PDZRN4: variants seen among roughly 807,000 people sequenced by gnomAD.
The protein encoded by PDZRN4 is PDZ domain containing ring finger 4.
In PDZRN4, 70 loss-of-function variants were observed where a neutral mutation model predicts 99.0. The ratio of observed to expected loss-of-function variants is 0.71; its 90% CI spans 0.58 to 0.86. The LOEUF (loss-of-function observed/expected upper bound fraction) is 0.86. Among genes scored for constraint, PDZRN4 ranks in the 40% least tolerant of loss-of-function variants. The pLI is 0.00. For synonymous variants in PDZRN4, 551 were observed against 501.6 expected, an observed-to-expected ratio of 1.10 and a Z score of -1.32; for missense variants, 1,474 against 1,331.2, an observed-to-expected ratio of 1.11 and a Z score of -1.67.
chr12:41,385,993 A>G (rs1952167887), intron 3 of PDZRN4, among the ~76,000 whole-genome samples: 1 of 152,218 alleles, frequency 6.6e-6, no homozygotes, highest in African/African-American at 2.4e-5. Flanking sequence ...TATCCCAGGG[A>G]TGCAAGGTTT....
chr12:41,484,061 C>A (rs937282977), intron 3 of PDZRN4, among the ~76,000 whole-genome samples: 1 of 152,116 alleles, frequency 6.6e-6, no homozygotes, highest in African/African-American at 2.4e-5. Flanking sequence ...TTCTACTCCT[C>A]CTTTTTGTTA....
intron 3 of PDZRN4, among the ~76,000 whole-genome samples, chr12:41,281,584 T>C (rs1180989921): frequency 6.6e-6 from 1 of 151,930 alleles, no homozygotes; most frequent in Non-Finnish European, 1.5e-5. Flanking sequence ...CAAGTATCAA[T>C]AGCCAAATTG....
intron 3 of PDZRN4, chr12:41,437,789 C>T: frequency 6.5e-7 from 1 of 1,549,392 alleles, no homozygotes; most frequent in Non-Finnish European, 8.7e-7. Context: ...ACCACTCTGG[C>T]TTACGCTTCC....
intron 3 of PDZRN4, among the ~76,000 whole-genome samples, chr12:41,445,126 G>T (rs1952713754): frequency 1.3e-5 from 2 of 151,924 alleles, no homozygotes; most frequent in South Asian, 4.1e-4. Flanking sequence ...TATTTAGATG[G>T]AATACTGTAG....
chr12:41,447,264 T>C (rs1259485112), intron 3 of PDZRN4, among the ~76,000 whole-genome samples: 1 of 152,158 alleles, frequency 6.6e-6, no homozygotes, highest in Non-Finnish European at 1.5e-5. Flanking sequence ...TAATGAGTCA[T>C]GTTTATAATG....
chr12:41,298,030 C>G (rs942197347), intron 3 of PDZRN4, among the ~76,000 whole-genome samples: 2 of 152,110 alleles, frequency 1.3e-5, no homozygotes, highest in Non-Finnish European at 2.9e-5. Context: ...TTTCCATTAT[C>G]CCTTTCAGAC....
Position 41,430,847 on chromosome 12 carries a change from G to A in PDZRN4, c.844-75609G>A, listed in dbSNP as rs547930496. On this transcript the variant is annotated intron_variant, in intron 3 of 9. Transcript: ENST00000402685. The stretch of plus-strand genomic sequence containing the variant: ...TAATTGGCTCACAGTTGTGCAGGCT[G>A]TACAGGAAGCATAGAGGCTTCTGCT... Among the ~76,000 whole-genome samples, 16 of 152,340 alleles carry A rather than the reference G, an allele frequency of 1.1e-4. No homozygotes were observed. In the South Asian group the frequency reaches 3.1e-3, roughly 30 times the overall value.
intron 3 of PDZRN4, among the ~76,000 whole-genome samples, chr12:41,249,579 A>G (rs1951154920): frequency 6.6e-6 from 1 of 152,264 alleles, no homozygotes; most frequent in Admixed American, 6.5e-5. Flanking sequence ...GGGTGACAGG[A>G]ACATAATTGT....
intron 3 of PDZRN4, among the ~76,000 whole-genome samples, chr12:41,386,428 A>T (rs1334346471): frequency 6.6e-6 from 1 of 152,172 alleles, no homozygotes; most frequent in African/African-American, 2.4e-5. Flanking sequence ...GAGGTGAAAG[A>T]TCTCTACAAT....
intron 5 of PDZRN4, among the ~76,000 whole-genome samples, chr12:41,536,552 G>A (rs189851408): frequency 3.9e-5 from 6 of 152,168 alleles, no homozygotes; most frequent in Non-Finnish European, 8.8e-5. Context: ...AATACCAAGA[G>A]TGAACCCTAA....
chr12:41,259,934 G>A (rs1566402539), intron 3 of PDZRN4, among the ~76,000 whole-genome samples: 1 of 152,144 alleles, frequency 6.6e-6, no homozygotes, highest in Non-Finnish European at 1.5e-5. Flanking sequence ...TCTGATAAGA[G>A]AGAATGCTGA....
At chr12:41,376,606 G>A (rs1952082853) in intron 3 of PDZRN4, among the ~76,000 whole-genome samples, 1 of 152,072 alleles carries the variant, frequency 6.6e-6, no homozygotes. Flanking sequence ...AGTTGTACGA[G>A]TTTCTAATAT....
rs187304832 is a variant in PDZRN4 at position 41,491,035 on chromosome 12, G to A, written c.844-15421G>A. 1.4e-4 allele frequency among the ~76,000 whole-genome samples: 22 copies of A among 152,188 alleles called. No homozygotes were observed. The South Asian group carries it at 4.4e-3, about 30-fold the overall frequency. On this transcript the variant is annotated intron_variant, in intron 3 of 9. Transcript: ENST00000402685. ...CATGAGCACTACCAGGCTCTCTGAGGGTTCCCTACAGTGTAGTAGCACATC... is the reference window on the plus strand; with the variant it reads ...CATGAGCACTACCAGGCTCTCTGAGAGTTCCCTACAGTGTAGTAGCACATC...
intron 3 of PDZRN4, among the ~76,000 whole-genome samples, chr12:41,436,896 G>A (rs939011189): frequency 6.6e-6 from 1 of 152,076 alleles, no homozygotes; most frequent in Non-Finnish European, 1.5e-5. Flanking sequence ...TATCAGCTTT[G>A]TAAAATATTA....
At chr12:41,366,907 T>C (rs567547415) in intron 3 of PDZRN4, among the ~76,000 whole-genome samples, 1 of 152,192 alleles carries the variant, frequency 6.6e-6, no homozygotes, top group Admixed American at 6.6e-5. Context: ...GAAATGTGCC[T>C]GAGTGGGCTA....
chr12:41,339,364 G>T (rs1435606860), intron 3 of PDZRN4, among the ~76,000 whole-genome samples: 1 of 152,026 alleles, frequency 6.6e-6, no homozygotes, highest in Non-Finnish European at 1.5e-5. Context: ...GGGAAACTTG[G>T]ATATCCATAT....
In PDZRN4 at chr12:41,213,204, T is replaced by C. The variant is rs1950899024; in HGVS notation, c.843+19016T>C. Among the ~76,000 whole-genome samples, 3 of 152,004 alleles carry C rather than the reference T, an allele frequency of 2.0e-5. No individual in the cohort carries two copies. The South Asian group carries it at 6.2e-4, about 32-fold the overall frequency. ...AAGCAGGGAAGTGACATGATCAAAT[T>C]ACCATTTTAAGAAATCATTCTGCTG... On this transcript the variant is annotated intron_variant, in intron 3 of 9. Coordinates refer to ENST00000402685, the MANE Select transcript of PDZRN4 (RefSeq NM_001164595.2).
At chr12:41,338,533 A>G (rs1007115961) in intron 3 of PDZRN4, among the ~76,000 whole-genome samples, 2 of 152,016 alleles carry the variant, frequency 1.3e-5, no homozygotes, top group Admixed American at 6.6e-5. Flanking sequence ...TGGTTTTTCG[A>G]AAAGATAAAA....
chr12:41,438,084 TCTGGCTAG>T, intron 3 of PDZRN4: 1 of 1,527,816 alleles, frequency 6.5e-7, no homozygotes, highest in South Asian at 1.1e-5. Context: ...GTAAATGAAT[TCTGGCTAG>T]CTTTATTTTT....
Sources: gnomAD v4.1 joint callset for allele counts (sites outside exome capture counted in the v4.1 genomes callset) on GRCh38, gnomAD v4.1.1 for gene constraint, MANE v1.5 for transcripts, NCBI Gene and HGNC (gene_info 2026-07-23, HGNC 2026-07-21) for gene names.